Variants in HPSE2 observed in about 807,000 individuals in gnomAD.
HPSE2 encodes the protein inactive heparanase-2.
HPSE2 carries 38 observed loss-of-function variants against 60.5 expected under a neutral mutation model. That is an observed-to-expected ratio of 0.63 (90% CI 0.48 to 0.82). The LOEUF (loss-of-function observed/expected upper bound fraction) is 0.82. HPSE2 is among the 40% of genes least tolerant of loss of function. HPSE2 has a pLI of 0.00. For missense variants in HPSE2, 713 were observed against 740.4 expected (o/e 0.96, Z 0.43); for synonymous variants, 295 against 293.2 (o/e 1.01, Z -0.06).
chr10:98,473,886 G>T (rs1159269689), intron 11 of HPSE2, among the ~76,000 whole-genome samples: 1 of 152,148 alleles, frequency 6.6e-6, no homozygotes, highest in Non-Finnish European at 1.5e-5. Context: ...AAACTGAAAA[G>T]CTTTTTGTCG....
chr10:98,887,527 G>A (rs1435791776), intron 3 of HPSE2, among the ~76,000 whole-genome samples: 1 of 152,054 alleles, frequency 6.6e-6, no homozygotes, highest in Non-Finnish European at 1.5e-5. Context: ...AAAGCCATAG[G>A]GCCAGAAAAG....
chr10:98,957,161 G>T (rs1226610738), intron 3 of HPSE2, among the ~76,000 whole-genome samples: 1 of 152,104 alleles, frequency 6.6e-6, no homozygotes, highest in South Asian at 2.1e-4. Flanking sequence ...CCCAGTGGTC[G>T]CAAGTTTGGC....
chr10:98,689,303 C>T lies in HPSE2; in HGVS notation c.1004+4597G>A, dbSNP rs539657377. Among the ~76,000 whole-genome samples, 13 of 152,256 alleles carry T rather than the reference C, an allele frequency of 8.5e-5. No homozygotes were observed. The South Asian group carries it at 2.3e-3, about 27-fold the overall frequency. The stretch of plus-strand genomic sequence containing the variant: ...TTTCCGCTACTTTTTCCTTTCTCTT[C>T]TTTAAGTTGTATAATTTCTGTTGCT... On this transcript the variant is annotated intron_variant, in intron 6 of 11. Coordinates refer to ENST00000370552, the MANE Select transcript of HPSE2 (RefSeq NM_021828.5).
At chr10:98,811,536 A>C (rs1350514966) in intron 3 of HPSE2, among the ~76,000 whole-genome samples, 1 of 152,182 alleles carries the variant, frequency 6.6e-6, no homozygotes, top group African/African-American at 2.4e-5. Flanking sequence ...CTAGGATCAA[A>C]ACATTCACTG....
At chr10:98,848,869 C>T (rs559214916) in intron 3 of HPSE2, among the ~76,000 whole-genome samples, 2 of 152,174 alleles carry the variant, frequency 1.3e-5, no homozygotes, top group Non-Finnish European at 2.9e-5. Context: ...CTTACCCTTG[C>T]TGCTTTCCCC....
intron 3 of HPSE2, among the ~76,000 whole-genome samples, chr10:98,799,183 G>C (rs532433082): frequency 2.6e-4 from 39 of 152,236 alleles, no homozygotes; most frequent in African/African-American, 8.7e-4. Context: ...GCTATAAAAA[G>C]AGACAAAGAA....
At chr10:98,554,469 T>A (rs986897605) in intron 9 of HPSE2, among the ~76,000 whole-genome samples, 1 of 152,222 alleles carries the variant, frequency 6.6e-6, no homozygotes, top group East Asian at 1.9e-4. Flanking sequence ...TACTTCATTG[T>A]GTCTTGAATG....
chr10:99,248,497 C>T, the HPSE2 span, among the ~76,000 whole-genome samples: 59 of 152,204 alleles, frequency 3.9e-4, no homozygotes, highest in Non-Finnish European at 1.0e-4. Context: ...CCTATGCACA[C>T]TCATGAGCAA....
intron 3 of HPSE2, among the ~76,000 whole-genome samples, chr10:99,002,873 C>T (rs978849434): frequency 1.1e-4 from 16 of 152,074 alleles, no homozygotes; most frequent in African/African-American, 3.4e-4. Context: ...TATCACCTCA[C>T]ATACCTATCT....
At chr10:98,896,932 A>G (rs1466228871) in intron 3 of HPSE2, among the ~76,000 whole-genome samples, 4 of 152,222 alleles carry the variant, frequency 2.6e-5, no homozygotes, top group Admixed American at 2.0e-4. Flanking sequence ...GCCAATATCT[A>G]TTAAAGAAGT....
At chr10:98,499,656 T>C (rs746564606) in intron 9 of HPSE2, among the ~76,000 whole-genome samples, 3 of 152,162 alleles carry the variant, frequency 2.0e-5, no homozygotes, top group Non-Finnish European at 4.4e-5. Flanking sequence ...GCAGGATGAA[T>C]GCAAAGGTAC....
chr10:98,809,962 A>G (rs1951131072), intron 3 of HPSE2, among the ~76,000 whole-genome samples: 1 of 152,150 alleles, frequency 6.6e-6, no homozygotes, highest in African/African-American at 2.4e-5. Context: ...GGAAAACCAT[A>G]GAAGATTTTC....
At chr10:99,157,395 A>G (rs1203829133) in intron 2 of HPSE2, among the ~76,000 whole-genome samples, 22 of 94,544 alleles carry the variant, frequency 2.3e-4, no homozygotes, top group African/African-American at 8.2e-4. Context: ...TACTGGTACC[A>G]AAACAGAGAT....
intron 3 of HPSE2, among the ~76,000 whole-genome samples, chr10:98,798,053 G>A (rs115651339): frequency 0.014 from 2,098 of 152,068 alleles, 43 homozygotes; most frequent in African/African-American, 0.047. Context: ...TCAAGAATAA[G>A]GAAAGGACCC....
chr10:98,806,534 T>A (rs1951045589), intron 3 of HPSE2, among the ~76,000 whole-genome samples: 1 of 152,198 alleles, frequency 6.6e-6, no homozygotes, highest in Non-Finnish European at 1.5e-5. Flanking sequence ...TTCAGCTCTC[T>A]GAAAAATGGG....
chr10:99,096,161 T>A (rs1843711812), intron 3 of HPSE2, among the ~76,000 whole-genome samples: 1 of 152,220 alleles, frequency 6.6e-6, no homozygotes, highest in African/African-American at 2.4e-5. Flanking sequence ...TACATGTTTT[T>A]CTCTTAACAT....
intron 2 of HPSE2, among the ~76,000 whole-genome samples, chr10:99,167,869 T>C (rs1308811267): frequency 6.6e-6 from 1 of 151,814 alleles, no homozygotes; most frequent in East Asian, 1.9e-4. Flanking sequence ...TTCTAATCCA[T>C]GAACACATTT....
chr10:99,249,802 T>C, the HPSE2 span, among the ~76,000 whole-genome samples: 2 of 152,088 alleles, frequency 1.3e-5, no homozygotes, highest in African/African-American at 2.4e-5. Context: ...ATTTGCCCCT[T>C]GCTGTTCTTG....
chr10:99,008,962 C>T (rs1189452039), intron 3 of HPSE2, among the ~76,000 whole-genome samples: 2 of 152,140 alleles, frequency 1.3e-5, no homozygotes, highest in African/African-American at 4.8e-5. Context: ...AAACCACTTT[C>T]ATAACTTCAA....
Sources: gnomAD v4.1 joint callset for allele counts (sites outside exome capture counted in the v4.1 genomes callset) on GRCh38, gnomAD v4.1.1 for gene constraint, MANE v1.5 for transcripts, NCBI Gene and HGNC (gene_info 2026-07-23, HGNC 2026-07-21) for gene names.